PDE7A: variants seen among roughly 807,000 people sequenced by gnomAD.
The protein encoded by PDE7A is phosphodiesterase 7A.
PDE7A carries 39 observed loss-of-function variants against 64.3 expected under a neutral mutation model. That is an observed-to-expected ratio of 0.61 (90% CI 0.47 to 0.79). PDE7A has a LOEUF of 0.79. Among genes scored for constraint, PDE7A ranks in the 30% least tolerant of loss-of-function variants. The pLI is 0.00. For missense variants in PDE7A, 470 were observed against 582.8 expected, an observed-to-expected ratio of 0.81 and a Z score of 1.99; for synonymous variants, 203 against 206.8, an observed-to-expected ratio of 0.98 and a Z score of 0.16.
intron 1 of PDE7A, among the ~76,000 whole-genome samples, chr8:65,810,993 T>C (rs950031240): frequency 2.0e-5 from 3 of 152,110 alleles, no homozygotes; most frequent in Non-Finnish European, 4.4e-5. Context: ...AATTTATATC[T>C]GCAACCAAAT....
intron 2 of PDE7A, chr8:65,781,017 C>T (rs758358350): frequency 1.3e-5 from 2 of 152,262 alleles, no homozygotes; most frequent in East Asian, 3.8e-4. Context: ...GTCCCTGTCA[C>T]TGTCCTCATG....
chr8:65,836,887 C>T (rs1434278639), intron 1 of PDE7A, among the ~76,000 whole-genome samples: 1 of 152,168 alleles, frequency 6.6e-6, no homozygotes, highest in African/African-American at 2.4e-5. Context: ...CTGATCATAT[C>T]CACGTGGGCC....
intron 5 of PDE7A, among the ~76,000 whole-genome samples, chr8:65,740,163 T>G (rs1269511910): frequency 1.5e-5 from 2 of 137,872 alleles, no homozygotes; most frequent in Non-Finnish European, 3.1e-5. Context: ...AATCTGAGAG[T>G]TGCTTGGGGG....
At position 65,715,384 on chromosome 8, in the gene PDE7A, T is replaced by G. The variant is rs190602764; in HGVS notation, c.*3906A>C. Among the ~76,000 whole-genome samples, 1 of 151,210 alleles carries G rather than the reference T, an allele frequency of 6.6e-6. No individual in the cohort carries two copies. Among genetic ancestry groups the G allele is most frequent in the Non-Finnish European group, 1.5e-5 (1 of 67,676 alleles). On this transcript the variant is annotated 3_prime_UTR_variant, in exon 13 of 13. Transcript: ENST00000401827. The stretch of plus-strand genomic sequence containing the variant: ...GACCCTGTCTCTATAAAAAAGTTTT[T>G]TTTTTTTTTTTGAGACAGAGTCTTG...
intron 4 of PDE7A, 116 bp downstream of exon 4, chr8:65,747,536 T>C: frequency 1.8e-6 from 1 of 562,628 alleles, no homozygotes; most frequent in Non-Finnish European, 2.9e-6. Context: ...GAAAATAGGC[T>C]CAACTGCTTT....
chr8:65,739,270 G>C (rs67724994), intron 6 of PDE7A, among the ~76,000 whole-genome samples: 16,693 of 152,190 alleles, frequency 0.11, 1,133 homozygotes, highest in Middle Eastern at 0.17. Context: ...CCAACATGCA[G>C]CCCACCTGTT....
intron 1 of PDE7A, among the ~76,000 whole-genome samples, chr8:65,824,180 G>A (rs1810610216): frequency 6.6e-6 from 1 of 152,112 alleles, no homozygotes; most frequent in Non-Finnish European, 1.5e-5. Context: ...TTTGATAACT[G>A]TCACAATATT....
chr8:65,841,767 G>C lies in PDE7A; in HGVS notation c.-259C>G, dbSNP rs1811098053. Reference sequence around the variant, plus strand: ...GCCTCGCTCCAGGCGAGGGGGGACGGGGTGCAAGCGGGGCCAGCACAGGCA... The same window carrying C: ...GCCTCGCTCCAGGCGAGGGGGGACGCGGTGCAAGCGGGGCCAGCACAGGCA... On this transcript the variant is annotated 5_prime_UTR_variant, in exon 1 of 13. Coordinates refer to ENST00000401827, the MANE Select transcript of PDE7A (RefSeq NM_001242318.3). 6.5e-6 allele frequency: 1 copy of C among 152,834 alleles called. No homozygotes were observed. The highest frequency in any genetic ancestry group is 1.4e-5 in the Non-Finnish European group (1 of 69,110). The allele number at this position is 152,834 out of a possible 1,614,324, so 9.5% of individuals were successfully genotyped here.
chr8:65,719,289 G>T lies in PDE7A; in HGVS notation c.*1C>A. The T allele has an allele frequency of 5.6e-6, 9 of 1,609,598 alleles. No homozygotes were observed. Among genetic ancestry groups the T allele is most frequent in the Non-Finnish European group, 7.7e-6 (9 of 1,175,814 alleles). On this transcript the variant is annotated 3_prime_UTR_variant, in exon 13 of 13. Transcript: ENST00000401827. The stretch of plus-strand genomic sequence containing the variant: ...GCAGTTTGTCCCACTGGTTCTGGGG[G>T]TTATGATAACCGATTTTCCTGAGGT...
chr8:65,816,263 T>G (rs1425265117), intron 1 of PDE7A, among the ~76,000 whole-genome samples: 1 of 152,192 alleles, frequency 6.6e-6, no homozygotes. Context: ...TCACAGTCTA[T>G]TCTATGAATC....
intron 12 of PDE7A, chr8:65,723,109 G>A (rs865925013): frequency 1.9e-5 from 3 of 153,884 alleles, no homozygotes; most frequent in Middle Eastern, 3.4e-3. Context: ...ACAGGCAGTG[G>A]TAAGAGTCTG....
chr8:65,737,683 T>C (rs1332054666), intron 6 of PDE7A, among the ~76,000 whole-genome samples: 1 of 152,046 alleles, frequency 6.6e-6, no homozygotes, highest in African/African-American at 2.4e-5. Context: ...CACACCCGAC[T>C]AATTTTTGTA....
rs545883328 is a variant in PDE7A, at chr8:65,766,535, G to T, written c.283+13185C>A. 1.7e-3 allele frequency among the ~76,000 whole-genome samples: 254 copies of T among 152,268 alleles called. 1 individual carries two copies. Among genetic ancestry groups the T allele is most frequent in the African/African-American group, 5.6e-3 (231 of 41,552 alleles). On this transcript the variant is annotated intron_variant, in intron 3 of 12. Transcript: ENST00000401827. ...GTAAAAAATGATGCTTAGGAGCAAG[G>T]GAGCCTGTTAGAACACGTAGAAAGC...
chr8:65,744,064 C>T (rs1807561971), intron 5 of PDE7A, among the ~76,000 whole-genome samples: 1 of 152,158 alleles, frequency 6.6e-6, no homozygotes, highest in Non-Finnish European at 1.5e-5. Context: ...AACTCCTGAC[C>T]TCATGTGATC....
At chr8:65,817,673 C>T (rs1054635398) in intron 1 of PDE7A, among the ~76,000 whole-genome samples, 6 of 151,480 alleles carry the variant, frequency 4.0e-5, no homozygotes, top group East Asian at 1.9e-4. Flanking sequence ...TTCTCATGAT[C>T]GGACTCAGGT....
chr8:65,834,824 C>T (rs1306402499), intron 1 of PDE7A, among the ~76,000 whole-genome samples: 1 of 152,162 alleles, frequency 6.6e-6, no homozygotes, highest in Non-Finnish European at 1.5e-5. Context: ...GTCAACCATA[C>T]AATCATTGGC....
intron 1 of PDE7A, among the ~76,000 whole-genome samples, chr8:65,824,215 G>A (rs1022953981): frequency 2.6e-5 from 4 of 152,144 alleles, no homozygotes; most frequent in South Asian, 2.1e-4. Context: ...TATTGTATTT[G>A]TTATGGTGAT....
chr8:65,726,973 C>T lies in PDE7A; in HGVS notation c.829-7G>A. On this transcript the variant is annotated splice_region_variant and splice_polypyrimidine_tract_variant and intron_variant, in intron 8 of 12. Transcript: ENST00000401827. ...TTTCCAGTACTGAGGTATTCTACAA[C>T]AAAGGACGTTTCTGAGTTACTTAAT... is the stretch of plus-strand genomic sequence containing the variant. The T allele has an allele frequency of 6.6e-7, 1 of 1,520,868 alleles. No individual in the cohort carries two copies. Among genetic ancestry groups the T allele is most frequent in the Non-Finnish European group, 9.1e-7 (1 of 1,096,960 alleles). The allele number at this position is 1,520,868 out of a possible 1,614,324, so 94.2% of individuals were successfully genotyped here.
chr8:65,730,171 C>CTTTTT lies in PDE7A; in HGVS notation c.697-2875_697-2871dup, dbSNP rs1179431555. On this transcript the variant is annotated intron_variant, in intron 7 of 12. Transcript: ENST00000401827. ...TGTGAGGGATCCAGGTTGCGCACTT[C>CTTTTT]TTTTTTTTTTTTTTTTTTTTTTTTT... Among the ~76,000 whole-genome samples, 180 of 86,418 alleles carry CTTTTT rather than the reference C, an allele frequency of 2.1e-3. 26 individuals are homozygous for CTTTTT. Among genetic ancestry groups the CTTTTT allele is most frequent in the African/African-American group, 6.9e-3 (145 of 20,912 alleles). 56.7% of individuals were successfully genotyped at this position (86,418 alleles called of 152,430 possible). A position where few individuals can be genotyped will look rare whatever the true frequency, so the allele number is the denominator to read the frequency against.
Sources: gnomAD v4.1 joint callset for allele counts (sites outside exome capture counted in the v4.1 genomes callset) on GRCh38, gnomAD v4.1.1 for gene constraint, MANE v1.5 for transcripts, NCBI Gene and HGNC (gene_info 2026-07-23, HGNC 2026-07-21) for gene names.